The following LHFPL3 variants were observed in gnomAD, a reference collection of about 807,000 sequenced individuals.
LHFPL3 encodes the protein LHFPL tetraspan subfamily member 3.
LHFPL3 carries 5 observed loss-of-function variants against 19.3 expected under a neutral mutation model. The observed-to-expected ratio is 0.26, with a 90% CI of 0.14 to 0.54. LHFPL3 has a LOEUF of 0.54. LHFPL3 is among the 20% of genes least tolerant of loss of function. LHFPL3 has a pLI of 0.94. For synonymous variants in LHFPL3, 133 were observed against 126.2 expected, an observed-to-expected ratio of 1.05 and a Z score of -0.36; for missense variants, 249 against 307.4, an observed-to-expected ratio of 0.81 and a Z score of 1.42.
At chr7:104,611,967 C>A (rs1791221091) in intron 1 of LHFPL3, among the ~76,000 whole-genome samples, 1 of 152,150 alleles carries the variant, frequency 6.6e-6, no homozygotes, top group Non-Finnish European at 1.5e-5. Flanking sequence ...ATACAGCTTC[C>A]AATTTTCTAG....
intron 1 of LHFPL3, among the ~76,000 whole-genome samples, chr7:104,346,958 T>A (rs1790079117): frequency 6.7e-6 from 1 of 149,650 alleles, no homozygotes. Context: ...AGCCAGAACA[T>A]CTGGGTTTGT....
intron 1 of LHFPL3, among the ~76,000 whole-genome samples, chr7:104,493,100 T>C (rs910308497): frequency 6.6e-6 from 1 of 152,230 alleles, no homozygotes; most frequent in African/African-American, 2.4e-5. Flanking sequence ...CCCTATGTCA[T>C]TTCACTACTG....
At chr7:104,514,097 G>A (rs1052693081) in intron 1 of LHFPL3, among the ~76,000 whole-genome samples, 9 of 152,212 alleles carry the variant, frequency 5.9e-5, no homozygotes, top group South Asian at 2.1e-4. Context: ...CTCCCTGGCC[G>A]TTTTTCAGCT....
At chr7:104,692,823 G>A (rs1792928693) in intron 1 of LHFPL3, among the ~76,000 whole-genome samples, 1 of 152,206 alleles carries the variant, frequency 6.6e-6, no homozygotes. Flanking sequence ...TGGGGTTGGA[G>A]CCCCAGCACA....
intron 2 of LHFPL3, among the ~76,000 whole-genome samples, chr7:104,804,719 T>G (rs987896647): frequency 1.3e-5 from 2 of 152,150 alleles, no homozygotes; most frequent in African/African-American, 2.4e-5. Flanking sequence ...CTCAATGCAG[T>G]AGCTCTCAAA....
At chr7:104,504,311 G>A (rs1024656701) in intron 1 of LHFPL3, among the ~76,000 whole-genome samples, 3 of 152,082 alleles carry the variant, frequency 2.0e-5, no homozygotes, top group East Asian at 1.9e-4. Flanking sequence ...TGTCAATCAC[G>A]TATTTACCTT....
intron 1 of LHFPL3, among the ~76,000 whole-genome samples, chr7:104,624,494 G>A (rs556416723): frequency 1.3e-5 from 2 of 152,326 alleles, no homozygotes; most frequent in Admixed American, 1.3e-4. Context: ...ATGTGGAGGT[G>A]CTTCAGCTAT....
intron 2 of LHFPL3, among the ~76,000 whole-genome samples, chr7:104,776,523 C>T (rs1384768126): frequency 1.3e-5 from 2 of 152,204 alleles, no homozygotes; most frequent in Non-Finnish European, 2.9e-5. Flanking sequence ...AAGCCTCCAC[C>T]TCCACTGGGC....
intron 1 of LHFPL3, among the ~76,000 whole-genome samples, chr7:104,448,249 T>C (rs575158365): frequency 1.3e-5 from 2 of 152,288 alleles, no homozygotes; most frequent in African/African-American, 4.8e-5. Flanking sequence ...GAAATTCCTA[T>C]TCTTCTTTTG....
intron 2 of LHFPL3, among the ~76,000 whole-genome samples, chr7:104,896,336 C>T (rs2041830): frequency 0.42 from 64,384 of 151,968 alleles, 14,998 homozygotes; most frequent in Middle Eastern, 0.54. Context: ...GCAGCCATAC[C>T]CACCTGAACA....
chr7:104,763,202 G>A (rs1794405405), intron 2 of LHFPL3, among the ~76,000 whole-genome samples: 1 of 152,156 alleles, frequency 6.6e-6, no homozygotes, highest in Non-Finnish European at 1.5e-5. Flanking sequence ...GTGGAAAGAG[G>A]GCAGGAGAGA....
chr7:104,386,955 A>G (rs1285471439), intron 1 of LHFPL3, among the ~76,000 whole-genome samples: 2 of 152,198 alleles, frequency 1.3e-5, no homozygotes, highest in Non-Finnish European at 2.9e-5. Flanking sequence ...ACAAAAAATT[A>G]CAAGACACAC....
In LHFPL3 at chr7:104,736,590, CGACA is replaced by C. The variant is rs1243401396; in HGVS notation, c.446-79_446-76del. The C allele has an allele frequency of 4.8e-6, 4 of 825,334 alleles. No individual in the cohort carries two copies. In the African/African-American group the frequency reaches 6.9e-5, roughly 14 times the overall value. The allele number at this position is 825,334 out of a possible 1,614,324, so 51.1% of individuals were successfully genotyped here. On this transcript the variant is annotated intron_variant, in intron 1 of 2. Coordinates refer to ENST00000424859, the MANE Select transcript of LHFPL3 (RefSeq NM_199000.3). ...TCAAGAATAATTTGAAACAATGATT[CGACA>C]GACAGTGGAAACATTTGCTAAGTTA...
chr7:104,818,421 G>T (rs1232938964), intron 2 of LHFPL3, among the ~76,000 whole-genome samples: 11 of 150,516 alleles, frequency 7.3e-5, no homozygotes, highest in Non-Finnish European at 5.9e-5. Flanking sequence ...CGTACCTGTA[G>T]TCCCAACTAC....
chr7:104,435,535 A>T (rs1313243518), intron 1 of LHFPL3, among the ~76,000 whole-genome samples: 3 of 150,434 alleles, frequency 2.0e-5, no homozygotes, highest in African/African-American at 7.3e-5. Flanking sequence ...TTTTTATAAA[A>T]TGACTTTTAT....
chr7:104,589,074 T>C (rs1790647817), intron 1 of LHFPL3, among the ~76,000 whole-genome samples: 1 of 152,160 alleles, frequency 6.6e-6, no homozygotes. Context: ...CAATTTGACT[T>C]CCTCTTTTCC....
At chr7:104,832,572 G>C (rs1234233787) in intron 2 of LHFPL3, among the ~76,000 whole-genome samples, 3 of 149,794 alleles carry the variant, frequency 2.0e-5, no homozygotes, top group African/African-American at 7.4e-5. Flanking sequence ...CTCTTTCCCT[G>C]CCAGAGCTTA....
Position 104,881,169 on chromosome 7 carries a change from CAAAAAAA to C in LHFPL3, c.683-25004_683-24998del, listed in dbSNP as rs60361178. ...TGGGCAACAGAGTGAGATTCCATCT[CAAAAAAA>C]AAAAAAAAAAAAAGAAATACTTTTT... On this transcript the variant is annotated intron_variant, in intron 2 of 2. Coordinates refer to ENST00000424859, the MANE Select transcript of LHFPL3 (RefSeq NM_199000.3). Among the ~76,000 whole-genome samples, 27 of 91,506 alleles carry C rather than the reference CAAAAAAA, an allele frequency of 3.0e-4. 1 individual carries two copies. Among genetic ancestry groups the C allele is most frequent in the African/African-American group, 1.0e-3 (25 of 24,220 alleles). The allele number at this position is 91,506 out of a possible 152,430, so 60.0% of individuals were successfully genotyped here.
At chr7:104,812,637 T>TA (rs901524958) in intron 2 of LHFPL3, among the ~76,000 whole-genome samples, 56 of 149,854 alleles carry the variant, frequency 3.7e-4, no homozygotes, top group East Asian at 7.9e-4. Flanking sequence ...CCATCTCTAC[T>TA]AAAAAAAATT....
Sources: allele counts gnomAD v4.1 joint callset (sites outside exome capture counted in the v4.1 genomes callset), GRCh38; gene constraint gnomAD v4.1.1; transcripts MANE v1.5; gene names NCBI Gene and HGNC (gene_info 2026-07-23, HGNC 2026-07-21).